Variants in TGFB2 observed in about 807,000 individuals in gnomAD.
TGFB2 encodes transforming growth factor beta 2.
A neutral mutation model predicts 42.7 loss-of-function variants in TGFB2; 13 were observed. The ratio of observed to expected loss-of-function variants is 0.30; its 90% CI spans 0.20 to 0.48. TGFB2 has a LOEUF of 0.48. Ranked by LOEUF, TGFB2 falls within the 20% of genes least tolerant of loss-of-function variation. TGFB2 has a pLI of 0.99. For synonymous variants in TGFB2, 193 were observed against 193.6 expected (o/e 1.00, Z 0.03); for missense variants, 390 against 517.5 (o/e 0.75, Z 2.39).
intron 1 of TGFB2, among the ~76,000 whole-genome samples, chr1:218,385,092 G>A (rs1658088950): frequency 6.6e-6 from 1 of 152,080 alleles, no homozygotes; most frequent in Non-Finnish European, 1.5e-5. Context: ...GTAGGATCTG[G>A]GTTTGATTCT....
At chr1:218,373,132 C>T (rs149269977) in intron 1 of TGFB2, among the ~76,000 whole-genome samples, 3,167 of 152,160 alleles carry the variant, frequency 0.021, 56 homozygotes, top group Middle Eastern at 0.099. Context: ...GAGCTGAGAT[C>T]GCGCCACTGC....
At chr1:218,403,108 C>T (rs763664747) in intron 1 of TGFB2, among the ~76,000 whole-genome samples, 1 of 152,226 alleles carries the variant, frequency 6.6e-6, no homozygotes, top group Non-Finnish European at 1.5e-5. Flanking sequence ...GCCTGGAAGC[C>T]GCCCATCAAC....
chr1:218,377,561 A>G (rs558427604), intron 1 of TGFB2, among the ~76,000 whole-genome samples: 4 of 152,212 alleles, frequency 2.6e-5, no homozygotes, highest in African/African-American at 9.6e-5. Context: ...GATTCATTCA[A>G]TGTAGTCCTC....
intron 4 of TGFB2, 113 bp from the exon 5 acceptor site, chr1:218,435,857 G>C (rs563685124): frequency 9.4e-7 from 1 of 1,066,378 alleles, no homozygotes; most frequent in Admixed American, 2.3e-5. Flanking sequence ...AGCTGATGCT[G>C]CTTTGGTGGT....
chr1:218,354,064 C>G (rs1197001167), intron 1 of TGFB2, among the ~76,000 whole-genome samples: 1 of 152,220 alleles, frequency 6.6e-6, no homozygotes, highest in African/African-American at 2.4e-5. Context: ...AGATCTAACT[C>G]TGTTCTGGGC....
chr1:218,381,258 G>GTTTTT (rs11405199), intron 1 of TGFB2, among the ~76,000 whole-genome samples: 2 of 137,746 alleles, frequency 1.5e-5, no homozygotes, highest in African/African-American at 2.7e-5. Context: ...TTTTGTTTTT[G>GTTTTT]TTTTTTTTTT....
At chr1:218,432,860 T>C (rs182872273) in intron 2 of TGFB2, among the ~76,000 whole-genome samples, 1 of 152,244 alleles carries the variant, frequency 6.6e-6, no homozygotes, top group Admixed American at 6.5e-5. Context: ...CCCTAAGTAC[T>C]GAGGAAAGGC....
chr1:218,373,790 T>A (rs1657651246), intron 1 of TGFB2, among the ~76,000 whole-genome samples: 1 of 152,062 alleles, frequency 6.6e-6, no homozygotes. Context: ...TGCATCTGTA[T>A]GTGTCAGGGC....
chr1:218,390,973 A>G (rs1440852641), intron 1 of TGFB2, among the ~76,000 whole-genome samples: 1 of 152,176 alleles, frequency 6.6e-6, no homozygotes, highest in East Asian at 1.9e-4. Flanking sequence ...ATGGCCATCT[A>G]CTGAAGTGCT....
At chr1:218,353,257 C>A (rs1176451902) in intron 1 of TGFB2, among the ~76,000 whole-genome samples, 1 of 152,188 alleles carries the variant, frequency 6.6e-6, no homozygotes. Flanking sequence ...CAGTGGATCT[C>A]TTTCCTTTGC....
At chr1:218,382,704 G>A (rs1050190140) in intron 1 of TGFB2, among the ~76,000 whole-genome samples, 2 of 152,152 alleles carry the variant, frequency 1.3e-5, no homozygotes, top group Admixed American at 6.5e-5. Flanking sequence ...TCTATCACTT[G>A]AAATCTTAAA....
Position 218,396,432 on chromosome 1 carries a change from C to T in TGFB2, c.347-8737C>T, listed in dbSNP as rs529989452. Among the ~76,000 whole-genome samples, 13 of 152,272 alleles carry T rather than the reference C, an allele frequency of 8.5e-5. No individual in the cohort carries two copies. The South Asian group carries it at 2.7e-3, about 32-fold the overall frequency. ...CCCTGCCACCATATTCAGGAAGCCC[C>T]ACTGCATCTTTTGGGACAGACTGCG... On this transcript the variant is annotated intron_variant, in intron 1 of 6. Coordinates refer to ENST00000366930, the MANE Select transcript of TGFB2 (RefSeq NM_003238.6).
chr1:218,432,034 T>A (rs2102624126), intron 2 of TGFB2, among the ~76,000 whole-genome samples: 1 of 152,334 alleles, frequency 6.6e-6, no homozygotes. Flanking sequence ...TATTTAAAAA[T>A]CTTTGCCTCT....
chr1:218,411,575 A>G (rs1170669681), intron 2 of TGFB2, among the ~76,000 whole-genome samples: 1 of 152,170 alleles, frequency 6.6e-6, no homozygotes, highest in Non-Finnish European at 1.5e-5. Context: ...AGTCCTCTTA[A>G]AAACAGCCCA....
intron 2 of TGFB2, among the ~76,000 whole-genome samples, chr1:218,417,689 A>G (rs1659326340): frequency 6.6e-6 from 1 of 152,196 alleles, no homozygotes; most frequent in Non-Finnish European, 1.5e-5. Flanking sequence ...TAAAGGCCTA[A>G]GAGGAAAATG....
Position 218,381,091 on chromosome 1 carries a change from C to G in TGFB2, c.347-24078C>G, listed in dbSNP as rs193205004. Reference sequence around the variant, plus strand: ...AGCAAGGAATGACAGTGCATCAAGCCGAACCCCAACAAGTCAAGGCACTTA... The same window carrying G: ...AGCAAGGAATGACAGTGCATCAAGCGGAACCCCAACAAGTCAAGGCACTTA... On this transcript the variant is annotated intron_variant, in intron 1 of 6. Coordinates refer to ENST00000366930, the MANE Select transcript of TGFB2 (RefSeq NM_003238.6). 5.3e-3 allele frequency among the ~76,000 whole-genome samples: 810 copies of G among 152,218 alleles called. 5 individuals carry two copies. Among genetic ancestry groups the G allele is most frequent in the African/African-American group, 0.018 (767 of 41,538 alleles).
intron 1 of TGFB2, among the ~76,000 whole-genome samples, chr1:218,384,939 G>C (rs773925865): frequency 6.6e-6 from 1 of 152,190 alleles, no homozygotes; most frequent in Non-Finnish European, 1.5e-5. Context: ...AGCCTGTGCA[G>C]TTATTATTCC....
chr1:218,357,537 G>A (rs991528946), intron 1 of TGFB2, among the ~76,000 whole-genome samples: 94 of 152,290 alleles, frequency 6.2e-4, no homozygotes, highest in African/African-American at 1.9e-3. Flanking sequence ...TCCCTGGGCC[G>A]GGACCATCCC....
intron 1 of TGFB2, among the ~76,000 whole-genome samples, chr1:218,390,216 A>AAAAGAAAG (rs1160552860): frequency 2.0e-5 from 3 of 152,186 alleles, no homozygotes; most frequent in Non-Finnish European, 1.5e-5. Flanking sequence ...CACTAGTGAG[A>AAAAGAAAG]AAAGAAAGCA....
Sources: allele counts gnomAD v4.1 joint callset (sites outside exome capture counted in the v4.1 genomes callset), GRCh38; gene constraint gnomAD v4.1.1; transcripts MANE v1.5; gene names NCBI Gene and HGNC (gene_info 2026-07-23, HGNC 2026-07-21).